Variants in RIMS1 observed in about 807,000 individuals in gnomAD.
The protein encoded by RIMS1 is regulating synaptic membrane exocytosis protein 1.
A neutral mutation model predicts 214.1 loss-of-function variants in RIMS1; 83 were observed. The observed-to-expected ratio is 0.39, with a 90% confidence interval of 0.32 to 0.47. RIMS1 has a LOEUF of 0.47. Ranked by LOEUF, RIMS1 falls within the 20% of genes least tolerant of loss-of-function variation. The pLI is 0.99. For synonymous variants in RIMS1, 793 were observed against 786.8 expected, an observed-to-expected ratio of 1.01 and a Z score of -0.13; for missense variants, 2,050 against 2,161.8, an observed-to-expected ratio of 0.95 and a Z score of 1.03.
chr6:71,999,765 CT>C (rs1340752784), intron 2 of RIMS1, among the ~76,000 whole-genome samples: 2 of 152,086 alleles, frequency 1.3e-5, no homozygotes, highest in Non-Finnish European at 2.9e-5. Context: ...TTTCTAATTA[CT>C]TTTTGTTGGT....
At chr6:72,053,450 G>T (rs965449941) in intron 2 of RIMS1, among the ~76,000 whole-genome samples, 7 of 152,102 alleles carry the variant, frequency 4.6e-5, no homozygotes, top group Admixed American at 4.6e-4. Context: ...TCCTGTAGTG[G>T]TTTGTTACTT....
At chr6:72,173,441 A>G (rs1187703276) in intron 4 of RIMS1, among the ~76,000 whole-genome samples, 1 of 148,918 alleles carries the variant, frequency 6.7e-6, no homozygotes, top group Non-Finnish European at 1.5e-5. Context: ...CTTTTATCTC[A>G]TGTTTTTTAT....
intron 29 of RIMS1, among the ~76,000 whole-genome samples, chr6:72,334,945 T>C (rs1276509117): frequency 6.6e-6 from 1 of 151,944 alleles, no homozygotes; most frequent in Non-Finnish European, 1.5e-5. Context: ...GGAGAATTAT[T>C]TGTCTTCTTT....
chr6:72,191,253 T>G (rs35083241), intron 6 of RIMS1, among the ~76,000 whole-genome samples: 27,757 of 152,228 alleles, frequency 0.18, 3,077 homozygotes, highest in Non-Finnish European at 0.25. Context: ...CACTAGGTGT[T>G]ATGCTTCTTT....
In RIMS1 at chr6:72,250,459, A is replaced by G. The variant is rs1296387153; in HGVS notation, c.2371A>G (p.Ser791Gly). The change falls in exon 13 of 34, where the codon AGT (serine) becomes GGT (glycine). Residue 791 changes from serine (S) to glycine (G), a missense_variant and splice_region_variant. This residue lies in a region of RIMS1 where 889 missense variants were observed against 885.5 expected (regional missense o/e 1.00). Coordinates refer to ENST00000521978, the MANE Select transcript of RIMS1 (RefSeq NM_014989.7). ...AAAAATGTATTTTCTTCCAGATAGA[A>G]GGTAGTGAATAATTTTAGAAAAAAA... ...YVKMYFLPDR[S>G]DKSKRRTKTV... The G allele has an allele frequency of 6.4e-7, 1 of 1,568,274 alleles. No individual in the cohort carries two copies. Among genetic ancestry groups the G allele is most frequent in the Admixed American group, 1.8e-5 (1 of 54,912 alleles).
At chr6:72,164,229 G>T (rs2045929525) in intron 4 of RIMS1, among the ~76,000 whole-genome samples, 1 of 152,200 alleles carries the variant, frequency 6.6e-6, no homozygotes, top group African/African-American at 2.4e-5. Flanking sequence ...CATTTGCTAA[G>T]ACTGTTGGCA....
intron 12 of RIMS1, among the ~76,000 whole-genome samples, chr6:72,250,008 A>G (rs2072417830): frequency 6.6e-6 from 1 of 152,142 alleles, no homozygotes; most frequent in Non-Finnish European, 1.5e-5. Context: ...AACATTTAAG[A>G]ACAATAATAA....
chr6:71,972,706 A>G (rs1319133780), intron 2 of RIMS1, among the ~76,000 whole-genome samples: 1 of 152,212 alleles, frequency 6.6e-6, no homozygotes, highest in Non-Finnish European at 1.5e-5. Flanking sequence ...GGTATAAGAT[A>G]GAAAAATGAG....
intron 2 of RIMS1, among the ~76,000 whole-genome samples, chr6:72,010,452 T>C (rs908746466): frequency 1.3e-5 from 2 of 152,218 alleles, no homozygotes; most frequent in Non-Finnish European, 1.5e-5. Context: ...CAGCTCCTAT[T>C]CAACATAATG....
intron 2 of RIMS1, among the ~76,000 whole-genome samples, chr6:72,054,243 C>A (rs940291796): frequency 1.3e-5 from 2 of 152,146 alleles, no homozygotes; most frequent in African/African-American, 4.8e-5. Context: ...CATGTCCCTG[C>A]AAATGACATG....
chr6:72,014,260 A>G (rs1045310227), intron 2 of RIMS1, among the ~76,000 whole-genome samples: 3 of 152,276 alleles, frequency 2.0e-5, no homozygotes. Context: ...CTATTAGGAG[A>G]ACAGCATGGC....
chr6:72,179,230 A>T (rs529027860), intron 4 of RIMS1, among the ~76,000 whole-genome samples: 1 of 152,080 alleles, frequency 6.6e-6, no homozygotes, highest in Admixed American at 6.5e-5. Context: ...ACATTTTTCT[A>T]ATCAGTTAAC....
chr6:71,910,433 C>G (rs1448718030), intron 1 of RIMS1, among the ~76,000 whole-genome samples: 2 of 151,964 alleles, frequency 1.3e-5, no homozygotes, highest in Non-Finnish European at 2.9e-5. Context: ...AGGATCTGGC[C>G]CAGGCAGTGG....
intron 29 of RIMS1, among the ~76,000 whole-genome samples, chr6:72,374,015 A>G (rs1595637677): frequency 6.6e-6 from 1 of 152,094 alleles, no homozygotes; most frequent in Admixed American, 6.6e-5. Context: ...CCCAGGTTCA[A>G]GTGATTCTTC....
At chr6:72,100,666 C>G (rs947840387) in intron 4 of RIMS1, among the ~76,000 whole-genome samples, 87 of 152,114 alleles carry the variant, frequency 5.7e-4, no homozygotes, top group African/African-American at 1.9e-3. Flanking sequence ...TTTATACATA[C>G]TATACACCTT....
At chr6:72,253,340 T>A (rs942027100) in intron 16 of RIMS1, among the ~76,000 whole-genome samples, 5 of 152,180 alleles carry the variant, frequency 3.3e-5, no homozygotes, top group African/African-American at 1.2e-4. Context: ...TGTGTGTATA[T>A]GTTTTAATAC....
intron 2 of RIMS1, among the ~76,000 whole-genome samples, chr6:72,049,908 A>G (rs1292520804): frequency 1.3e-5 from 2 of 152,214 alleles, no homozygotes; most frequent in Non-Finnish European, 2.9e-5. Context: ...TACTCTTGTG[A>G]AAATTCTCTT....
chr6:72,282,777 A>G (rs1048468011), intron 23 of RIMS1, among the ~76,000 whole-genome samples: 1 of 152,082 alleles, frequency 6.6e-6, no homozygotes, highest in Non-Finnish European at 1.5e-5. Context: ...TTATCCCTCA[A>G]TATATTGAGT....
intron 24 of RIMS1, among the ~76,000 whole-genome samples, chr6:72,289,457 G>A (rs949357980): frequency 6.6e-6 from 1 of 152,022 alleles, no homozygotes; most frequent in Non-Finnish European, 1.5e-5. Flanking sequence ...TGGAAATTGA[G>A]GTAACAGCCC....
Sources: allele counts gnomAD v4.1 joint callset (sites outside exome capture counted in the v4.1 genomes callset), GRCh38; gene constraint gnomAD v4.1.1; regional missense constraint gnomAD v4.1.1; transcripts MANE v1.5; gene names NCBI Gene and HGNC (gene_info 2026-07-23, HGNC 2026-07-21).